Variants in UBE2O observed in about 807,000 individuals in gnomAD.
UBE2O encodes the protein (E3-independent) E2 ubiquitin-conjugating enzyme.
A neutral mutation model predicts 125.8 loss-of-function variants in UBE2O; 15 were observed. The observed-to-expected ratio is 0.12, with a 90% CI of 0.08 to 0.18. UBE2O has a LOEUF of 0.18. Ranked by LOEUF, UBE2O falls within the 10% of genes least tolerant of loss-of-function variation. The probability of loss-of-function intolerance (pLI) is 1.00; values close to 1 mark genes in which losing one functional copy is unlikely to be tolerated. For synonymous variants in UBE2O, 708 were observed against 703.2 expected, an observed-to-expected ratio of 1.01 and a Z score of -0.11; for missense variants, 1,280 against 1,723.6, an observed-to-expected ratio of 0.74 and a Z score of 4.56.
Position 76,412,584 on chromosome 17 carries a change from T to C in UBE2O, c.418-7012A>G, listed in dbSNP as rs1006106866. 2.6e-5 allele frequency among the ~76,000 whole-genome samples: 4 copies of C among 152,320 alleles called. No individual in the cohort carries two copies. In the East Asian group the frequency reaches 7.7e-4, roughly 29 times the overall value. On this transcript the variant is annotated intron_variant, in intron 1 of 17. Transcript: ENST00000319380. ...CTCAGCTGAGGCCTCTCTGGCTCTT[T>C]GGTTGTCCCTGAGCTTGAAGGGTCT...
rs1010798908 is a variant in UBE2O at position 76,404,130 on chromosome 17, C to T, written c.588+1076G>A. On this transcript the variant is annotated intron_variant, in intron 3 of 17. Transcript: ENST00000319380. This position sits in a 1 kb window ranked among gnomAD's most constrained non-coding sequence, Gnocchi z 4.3. The stretch of plus-strand genomic sequence containing the variant: ...TTAGCAACATCAGAGCAATGGCTGG[C>T]GCAGGGGGAACTGTGAATGGAGGCC... 5.9e-5 allele frequency among the ~76,000 whole-genome samples: 9 copies of T among 152,158 alleles called. No homozygotes were observed. The highest frequency in any genetic ancestry group is 4.4e-5 in the Non-Finnish European group (3 of 68,032).
chr17:76,412,099 C>T (rs578114827), intron 1 of UBE2O, among the ~76,000 whole-genome samples: 5 of 152,284 alleles, frequency 3.3e-5, no homozygotes, highest in East Asian at 3.9e-4. Flanking sequence ...GACAAGCGGA[C>T]GACCAGCCCC....
intron 15 of UBE2O, among the ~76,000 whole-genome samples, chr17:76,394,539 A>G (rs2143674595): frequency 6.6e-6 from 1 of 152,364 alleles, no homozygotes; most frequent in South Asian, 2.1e-4. Context: ...GTCTTAAGCA[A>G]ATTAGAGATG....
rs780127289 is a variant in UBE2O, at chr17:76,391,382, T to G, written c.3440A>C (p.Glu1147Ala). 1 of 1,613,356 alleles carries G rather than the reference T, an allele frequency of 6.2e-7. No homozygotes were observed. Reference sequence around the variant, plus strand: ...GGCCTTCTCCAGCAGGGCATGGGTTTCCAGCCAGGACTCGATACGGTTCAC... The same window carrying G: ...GGCCTTCTCCAGCAGGGCATGGGTTGCCAGCCAGGACTCGATACGGTTCAC... Reference protein sequence around the residue: ...RLVNRIESWLETHALLEKAQA... With the variant: ...RLVNRIESWLATHALLEKAQA... The change falls in exon 18 of 18, where the codon GAA becomes GCA. Residue 1147 changes from glutamate to alanine, a missense_variant. Physicochemically the swap from Glu to Ala is moderately radical, Grantham distance 107. This residue lies in a region of UBE2O where 233 missense variants were observed against 279.0 expected (regional missense o/e 0.84). Transcript: ENST00000319380. This position sits in a 1 kb window ranked among gnomAD's most constrained non-coding sequence, Gnocchi z 8.4.
At position 76,430,438 on chromosome 17, in the gene UBE2O, C is replaced by T. The variant is rs1052869059; in HGVS notation, c.417+22287G>A. 3.2e-5 allele frequency: 7 copies of T among 216,178 alleles called. No homozygotes were observed. The Admixed American group carries it at 4.0e-4, about 12-fold the overall frequency. 13.4% of individuals were successfully genotyped at this position (216,178 alleles called of 1,614,324 possible). On this transcript the variant is annotated intron_variant, in intron 1 of 17. Transcript: ENST00000319380. The stretch of plus-strand genomic sequence containing the variant: ...CACCGCAGTTCATTCTTCTAAGAAG[C>T]CTGTGGATCTGGCCCTCCCTGTTGG...
rs901253662 is a variant in UBE2O, at chr17:76,452,679, C to G, written c.417+46G>C. The G allele has an allele frequency of 3.0e-6, 4 of 1,343,864 alleles. No homozygotes were observed. In the African/African-American group the frequency reaches 6.2e-5, roughly 21 times the overall value. 83.2% of individuals were successfully genotyped at this position (1,343,864 alleles called of 1,614,324 possible). A position where few individuals can be genotyped will look rare whatever the true frequency, so the allele number is the denominator to read the frequency against. ...CGTCCTTCCCTGGCCTCGGCCCGGC[C>G]GCCGACCCCCTGCCGCCCGCGCCGC... On this transcript the variant is annotated intron_variant, in intron 1 of 17. Coordinates refer to ENST00000319380, the MANE Select transcript of UBE2O (RefSeq NM_022066.4). This position sits in a 1 kb window ranked among gnomAD's most constrained non-coding sequence, Gnocchi z 4.4.
intron 1 of UBE2O, among the ~76,000 whole-genome samples, chr17:76,423,441 C>T (rs1459404663): frequency 6.6e-6 from 1 of 151,598 alleles, no homozygotes; most frequent in Admixed American, 6.6e-5. Context: ...TGCCTGTAAT[C>T]CCAGCACTTC....
Position 76,391,480 on chromosome 17 carries a change from C to T in UBE2O, c.3342G>A (p.Gln1114=). 6.2e-7 allele frequency: 1 copy of T among 1,613,948 alleles called. No individual in the cohort carries two copies. The change falls in exon 18 of 18, where the codon CAG becomes CAA. Residue 1114 remains glutamine (Q), a synonymous_variant. Coordinates refer to ENST00000319380, the MANE Select transcript of UBE2O (RefSeq NM_022066.4). The surrounding 1 kb of genome is among the most constrained non-coding windows in gnomAD (Gnocchi z 8.4). ...AGACCTCGGGGGGCCGCCGCACCAG[C>T]TGGGTCATGGACTGCACCACGCGGA... The part of the protein sequence containing the change: ...ALIRVVQSMT[Q]LVRRPPEVFE...
chr17:76,405,683 A>C lies in UBE2O; in HGVS notation c.418-111T>G. The stretch of plus-strand genomic sequence containing the variant: ...CACATCCACACTGCTAAGTGCACAA[A>C]TCCTAAGCGTTTGGCTAGCAGTATC... On this transcript the variant is annotated intron_variant, in intron 1 of 17. Coordinates refer to ENST00000319380, the MANE Select transcript of UBE2O (RefSeq NM_022066.4). This position sits in a 1 kb window ranked among gnomAD's most constrained non-coding sequence, Gnocchi z 6.1. The C allele has an allele frequency of 7.5e-6, 7 of 930,740 alleles. No homozygotes were observed. The highest frequency in any genetic ancestry group is 2.7e-5 in the East Asian group (1 of 37,610). 57.7% of individuals were successfully genotyped at this position (930,740 alleles called of 1,614,324 possible).
intron 1 of UBE2O, among the ~76,000 whole-genome samples, chr17:76,434,779 T>C (rs1295616089): frequency 6.7e-6 from 1 of 150,164 alleles, no homozygotes; most frequent in Admixed American, 6.6e-5. Flanking sequence ...TTAAGCTTTT[T>C]TTTTTTTTTT....
At position 76,453,004 on chromosome 17, in the gene UBE2O, C is replaced by A. The variant is rs987280665; in HGVS notation, c.138G>T (p.Pro46=). The A allele has an allele frequency of 4.7e-6, 7 of 1,487,188 alleles. No homozygotes were observed. Among genetic ancestry groups the A allele is most frequent in the Non-Finnish European group, 6.3e-6 (7 of 1,118,756 alleles). The allele number at this position is 1,487,188 out of a possible 1,614,324, so 92.1% of individuals were successfully genotyped here. Residue 46 remains proline (P), a synonymous_variant, in exon 1 of 18, where the codon CCG becomes CCT. Coordinates refer to ENST00000319380, the MANE Select transcript of UBE2O (RefSeq NM_022066.4). ...CGGCTTCTGGGCCGGAGTCCGAGGA[C>A]GGCCCGGAGGCCGAGTCCGAGGCGG... ...PAPASDSASG[P]SSDSGPEAGS... is the part of the protein sequence containing the mutation.
At position 76,392,350 on chromosome 17, in the gene UBE2O, C is replaced by CT. The variant is rs150827099; in HGVS notation, c.2947-238dup. Reference sequence around the variant, plus strand: ...ACAGGGTCTTGCTGTGTCCCCCAGGCTGGAGTACACTAGTGCAATAATGGC... The same window carrying CT: ...ACAGGGTCTTGCTGTGTCCCCCAGGCTTGGAGTACACTAGTGCAATAATGGC... On this transcript the variant is annotated intron_variant, in intron 15 of 17. Coordinates refer to ENST00000319380, the MANE Select transcript of UBE2O (RefSeq NM_022066.4). Among the ~76,000 whole-genome samples, 960 of 152,164 alleles carry CT rather than the reference C, an allele frequency of 6.3e-3. 16 individuals carry two copies. Among genetic ancestry groups the CT allele is most frequent in the African/African-American group, 0.022 (910 of 41,494 alleles).
At chr17:76,434,503 T>A (rs1278286463) in intron 1 of UBE2O, among the ~76,000 whole-genome samples, 1 of 152,146 alleles carries the variant, frequency 6.6e-6, no homozygotes, top group Non-Finnish European at 1.5e-5. Context: ...ACCTGAGATA[T>A]GTCTCACAGG....
chr17:76,421,193 G>A (rs557644712), intron 1 of UBE2O, among the ~76,000 whole-genome samples: 3 of 152,230 alleles, frequency 2.0e-5, no homozygotes, highest in South Asian at 4.2e-4. Context: ...CAGCTACAGT[G>A]AGCTCCCTAG....
intron 1 of UBE2O, among the ~76,000 whole-genome samples, chr17:76,434,127 TAACC>T (rs987882929): frequency 6.6e-6 from 1 of 152,132 alleles, no homozygotes; most frequent in Non-Finnish European, 1.5e-5. Flanking sequence ...CCATCTTACT[TAACC>T]ACGTAAGCCT....
rs747199265 is a variant in UBE2O, at chr17:76,396,870, C to G, written c.2116-49G>C. 3.1e-5 allele frequency: 46 copies of G among 1,497,628 alleles called. No individual in the cohort carries two copies. The highest frequency in any genetic ancestry group is 3.8e-5 in the South Asian group (3 of 78,628). The allele number at this position is 1,497,628 out of a possible 1,614,324, so 92.8% of individuals were successfully genotyped here. A position where few individuals can be genotyped will look rare whatever the true frequency, so the allele number is the denominator to read the frequency against. ...GGGTAAGCAGACAGGAAGTCACCTC[C>G]CCACCACTAAGGAGGAGCTCTGGGG... On this transcript the variant is annotated intron_variant, in intron 13 of 17. Coordinates refer to ENST00000319380, the MANE Select transcript of UBE2O (RefSeq NM_022066.4). The surrounding 1 kb of genome is among the most constrained non-coding windows in gnomAD (Gnocchi z 6.7).
Position 76,400,691 on chromosome 17 carries a change from G to A in UBE2O, c.895-141C>T. ...CACCAAGTACAGACACATCAGAGCAGGCCCCAACTGTAACCACGGCCCCCA... is the reference window on the plus strand; with the variant it reads ...CACCAAGTACAGACACATCAGAGCAAGCCCCAACTGTAACCACGGCCCCCA... On this transcript the variant is annotated intron_variant, in intron 6 of 17. Coordinates refer to ENST00000319380, the MANE Select transcript of UBE2O (RefSeq NM_022066.4). The surrounding 1 kb of genome is among the most constrained non-coding windows in gnomAD (Gnocchi z 4.3). The A allele has an allele frequency of 1.6e-6, 1 of 643,870 alleles. No homozygotes were observed. The highest frequency in any genetic ancestry group is 2.7e-6 in the Non-Finnish European group (1 of 376,122). The allele number at this position is 643,870 out of a possible 1,614,324, so 39.9% of individuals were successfully genotyped here.
chr17:76,410,729 G>A lies in UBE2O; in HGVS notation c.418-5157C>T, dbSNP rs1421490424. Reference sequence around the variant, plus strand: ...CACTCAGAGCAGGCATTCAGGAGCCGGGGAAGCTCACCGGGGGCCTCTCCT... The same window carrying A: ...CACTCAGAGCAGGCATTCAGGAGCCAGGGAAGCTCACCGGGGGCCTCTCCT... On this transcript the variant is annotated intron_variant, in intron 1 of 17. Coordinates refer to ENST00000319380, the MANE Select transcript of UBE2O (RefSeq NM_022066.4). The surrounding 1 kb of genome is among the most constrained non-coding windows in gnomAD (Gnocchi z 4.0). Among the ~76,000 whole-genome samples the A allele has an allele frequency of 6.8e-6, 1 of 147,676 alleles. No homozygotes were observed. Among genetic ancestry groups the A allele is most frequent in the African/African-American group, 2.5e-5 (1 of 39,566 alleles).
intron 1 of UBE2O, among the ~76,000 whole-genome samples, chr17:76,444,680 T>G (rs935528509): frequency 6.6e-6 from 1 of 152,176 alleles, no homozygotes; most frequent in Admixed American, 6.5e-5. Context: ...GAGCAGGTCA[T>G]GAGGAAATGG....
Sources: allele counts gnomAD v4.1 joint callset (sites outside exome capture counted in the v4.1 genomes callset), GRCh38; gene constraint gnomAD v4.1.1; regional missense constraint gnomAD v4.1.1; non-coding constraint Gnocchi (gnomAD v3.1); transcripts MANE v1.5; gene names NCBI Gene and HGNC (gene_info 2026-07-23, HGNC 2026-07-21).